PPP2R5C: variants seen among roughly 807,000 people sequenced by gnomAD.
PPP2R5C encodes protein phosphatase 2 regulatory subunit B'gamma.
A neutral mutation model predicts 68.9 loss-of-function variants in PPP2R5C; 7 were observed. The ratio of observed to expected loss-of-function variants is 0.10; its 90% CI spans 0.06 to 0.19. PPP2R5C has a LOEUF of 0.19. Ranked by LOEUF, PPP2R5C falls within the 10% of genes least tolerant of loss-of-function variation. PPP2R5C has a pLI of 1.00. For missense variants in PPP2R5C, 348 were observed against 641.3 expected, an observed-to-expected ratio of 0.54 and a Z score of 4.94; for synonymous variants, 210 against 222.2, an observed-to-expected ratio of 0.95 and a Z score of 0.49.
chr14:101,885,108 G>A (rs2044408857), intron 5 of PPP2R5C, among the ~76,000 whole-genome samples: 1 of 152,226 alleles, frequency 6.6e-6, no homozygotes, highest in African/African-American at 2.4e-5. Flanking sequence ...ATAAGAGCAT[G>A]AGCAGGTCCC....
intron 13 of PPP2R5C, chr14:101,922,329 A>G (rs546666169): frequency 1.7e-5 from 6 of 360,586 alleles, no homozygotes; most frequent in African/African-American, 8.9e-5. Flanking sequence ...TCTCTACTAA[A>G]TAACAAAAAA....
chr14:101,786,954 C>T (rs2038118744), intron 3 of PPP2R5C, among the ~76,000 whole-genome samples: 1 of 152,196 alleles, frequency 6.6e-6, no homozygotes, highest in African/African-American at 2.4e-5. Context: ...TTAATTTCCA[C>T]TGAATATTAA....
In PPP2R5C at chr14:101,825,805, C is replaced by T. The variant is rs1205322828; in HGVS notation, c.94+15769C>T. On this transcript the variant is annotated intron_variant, in intron 1 of 13. Transcript: ENST00000334743. This position sits in a 1 kb window ranked among gnomAD's most constrained non-coding sequence, Gnocchi z 4.0. ...CTTCAGCAGAGGGGATTATCAGAAA[C>T]TTCTGGGGCAGTAAGGGAAATTTAA... 2.0e-5 allele frequency among the ~76,000 whole-genome samples: 3 copies of T among 152,172 alleles called. No individual in the cohort carries two copies. The highest frequency in any genetic ancestry group is 7.2e-5 in the African/African-American group (3 of 41,422).
chr14:101,793,915 G>A lies in PPP2R5C; in HGVS notation c.259+7732G>A, dbSNP rs190740571. Among the ~76,000 whole-genome samples, 341 of 152,214 alleles carry A rather than the reference G, an allele frequency of 2.2e-3. 4 individuals carry two copies. The highest frequency in any genetic ancestry group is 0.021 in the Admixed American group (326 of 15,276). On this transcript the variant is annotated intron_variant, in intron 3 of 14. Transcript: ENST00000328724. ...CAGCCAGATTCTTCTCTGAAGTTAC[G>A]CCATCAAGTTGTCCCTCTGAAGTCA...
At position 101,916,801 on chromosome 14, in the gene PPP2R5C, G is replaced by A. The variant is rs977692194; in HGVS notation, c.1327-1030G>A. ...AGCCTGAAAGAGGCCGAAGCTGTGG[G>A]ACTCACTGGGCAGAGAATGGAGGGG... On this transcript the variant is annotated intron_variant, in intron 12 of 13. Coordinates refer to ENST00000334743, the Ensembl canonical transcript of PPP2R5C. The surrounding 1 kb of genome is among the most constrained non-coding windows in gnomAD (Gnocchi z 5.5). Among the ~76,000 whole-genome samples, 3 of 152,104 alleles carry A rather than the reference G, an allele frequency of 2.0e-5. No homozygotes were observed. Among genetic ancestry groups the A allele is most frequent in the Admixed American group, 2.0e-4 (3 of 15,264 alleles).
chr14:101,779,197 A>G (rs1270703509), intron 2 of PPP2R5C, among the ~76,000 whole-genome samples: 1 of 152,242 alleles, frequency 6.6e-6, no homozygotes, highest in African/African-American at 2.4e-5. Flanking sequence ...TAAGGACGTG[A>G]GAGACAGTGA....
intron 3 of PPP2R5C, among the ~76,000 whole-genome samples, chr14:101,802,373 C>T (rs2038900457): frequency 6.6e-6 from 1 of 152,082 alleles, no homozygotes; most frequent in Non-Finnish European, 1.5e-5. Flanking sequence ...GATCGCGCCA[C>T]TGCACACCAG....
chr14:101,901,045 T>G (rs2141024232), intron 8 of PPP2R5C, among the ~76,000 whole-genome samples: 1 of 152,354 alleles, frequency 6.6e-6, no homozygotes, highest in East Asian at 1.9e-4. Flanking sequence ...TTTGATATAT[T>G]TTAACACAGT....
chr14:101,867,943 A>G (rs956841431), intron 2 of PPP2R5C, among the ~76,000 whole-genome samples: 2 of 152,274 alleles, frequency 1.3e-5, no homozygotes, highest in Non-Finnish European at 2.9e-5. Context: ...TACACGTTTT[A>G]TGGGCATGAG....
At chr14:101,762,948 G>A (rs2139911588) in exon 2 of PPP2R5C, 4 of 1,581,128 alleles carry the variant, frequency 2.5e-6, no homozygotes, top group Non-Finnish European at 3.4e-6. Flanking sequence ...TCAAAAGAAG[G>A]ACAAGACACA....
chr14:101,926,263 A>G (rs1249097386), exon 14 of PPP2R5C: 1 of 152,496 alleles, frequency 6.6e-6, no homozygotes, highest in African/African-American at 2.4e-5. Context: ...CGGGGCCGGC[A>G]CTGCCGCTGC....
chr14:101,858,874 C>T (rs560779944), intron 2 of PPP2R5C, among the ~76,000 whole-genome samples: 61 of 152,214 alleles, frequency 4.0e-4, no homozygotes, highest in Non-Finnish European at 6.3e-4. Flanking sequence ...TGCTTGAAAC[C>T]GCCTCTCGTT....
rs2042443366 is a variant in PPP2R5C at position 101,856,679 on chromosome 14, T to C, written c.95-7T>C. 6.2e-7 allele frequency: 1 copy of C among 1,613,070 alleles called. No homozygotes were observed. The highest frequency in any genetic ancestry group is 8.5e-7 in the Non-Finnish European group (1 of 1,179,042). On this transcript the variant is annotated splice_polypyrimidine_tract_variant and splice_region_variant and intron_variant, in intron 1 of 13. Transcript: ENST00000334743. ...GTGATCAATATACTTTGCTTTCTGC[T>C]TTTCAGATGTTCCTCCTGCTGATCA...
chr14:101,815,675 A>G (rs994200522), intron 1 of PPP2R5C, among the ~76,000 whole-genome samples: 18 of 152,038 alleles, frequency 1.2e-4, no homozygotes, highest in African/African-American at 1.7e-4. Flanking sequence ...GCTATCTACT[A>G]TATTTCTTTT....
chr14:101,912,286 G>C (rs1284284855), intron 11 of PPP2R5C, 115 bp from the exon 14 acceptor site: 1 of 750,552 alleles, frequency 1.3e-6, no homozygotes, highest in Non-Finnish European at 2.1e-6. Flanking sequence ...AAATGGAGCA[G>C]GGGGGCTGCG....
At chr14:101,886,187 G>A (rs983260039) in intron 5 of PPP2R5C, among the ~76,000 whole-genome samples, 32 of 152,008 alleles carry the variant, frequency 2.1e-4, no homozygotes, top group Non-Finnish European at 3.2e-4. Context: ...AGGCTGAGGC[G>A]GGAGAATGGC....
intron 2 of PPP2R5C, among the ~76,000 whole-genome samples, chr14:101,873,156 G>A (rs958393069): frequency 6.6e-6 from 1 of 151,892 alleles, no homozygotes; most frequent in African/African-American, 2.4e-5. Flanking sequence ...TATCTTTCAC[G>A]TCCACCTAAC....
At chr14:101,923,710 A>G (rs1290234079) in intron 13 of PPP2R5C, among the ~76,000 whole-genome samples, 3 of 152,226 alleles carry the variant, frequency 2.0e-5, no homozygotes, top group Non-Finnish European at 4.4e-5. Context: ...TCCTAAAGTG[A>G]TGTGACAAAA....
At chr14:101,853,377 G>A (rs931545033) in intron 1 of PPP2R5C, among the ~76,000 whole-genome samples, 11 of 152,078 alleles carry the variant, frequency 7.2e-5, no homozygotes, top group Non-Finnish European at 1.5e-5. Context: ...AAATTCTACA[G>A]AAACACCCTG....
Sources: allele counts gnomAD v4.1 joint callset (sites outside exome capture counted in the v4.1 genomes callset), GRCh38; gene constraint gnomAD v4.1.1; non-coding constraint Gnocchi (gnomAD v3.1); transcripts MANE v1.5; gene names NCBI Gene and HGNC (gene_info 2026-07-23, HGNC 2026-07-21).